CDKAL1: variants seen among roughly 807,000 people sequenced by gnomAD.
CDKAL1 encodes CDKAL1 threonylcarbamoyladenosine tRNA methylthiotransferase, also known as threonylcarbamoyladenosine tRNA methylthiotransferase.
In CDKAL1, 32 loss-of-function variants were observed where a neutral mutation model predicts 68.2. The observed-to-expected ratio is 0.47, with a 90% confidence interval of 0.35 to 0.63. The LOEUF is 0.63. CDKAL1 is among the 30% of genes least tolerant of loss of function. The pLI, the probability that CDKAL1 is intolerant of heterozygous loss-of-function variation, is 0.00. For synonymous variants in CDKAL1, 234 were observed against 244.3 expected, an observed-to-expected ratio of 0.96 and a Z score of 0.39; for missense variants, 606 against 696.7, an observed-to-expected ratio of 0.87 and a Z score of 1.47.
chr6:20,884,250 A>AAT (rs1760961004), intron 9 of CDKAL1, among the ~76,000 whole-genome samples: 2 of 152,214 alleles, frequency 1.3e-5, no homozygotes, highest in Admixed American at 1.3e-4. Context: ...GGTATTTGCC[A>AAT]AAATCCAACA....
intron 5 of CDKAL1, among the ~76,000 whole-genome samples, chr6:20,713,971 C>T (rs1211103122): frequency 6.6e-6 from 1 of 151,918 alleles, no homozygotes; most frequent in Non-Finnish European, 1.5e-5. Context: ...ACTATTTTAT[C>T]CTTAAAAAAA....
At chr6:20,884,764 A>G (rs1470658436) in intron 9 of CDKAL1, among the ~76,000 whole-genome samples, 1 of 152,232 alleles carries the variant, frequency 6.6e-6, no homozygotes, top group African/African-American at 2.4e-5. Flanking sequence ...TCCGTTTACA[A>G]TAGCATCTGA....
chr6:21,139,916 C>T (rs1384235853), intron 13 of CDKAL1, among the ~76,000 whole-genome samples: 1 of 151,890 alleles, frequency 6.6e-6, no homozygotes, highest in African/African-American at 2.4e-5. Context: ...CTTTTTTTCC[C>T]CTCAGGTAAA....
At chr6:21,004,642 AG>A (rs2150827317) in intron 11 of CDKAL1, among the ~76,000 whole-genome samples, 1 of 152,290 alleles carries the variant, frequency 6.6e-6, no homozygotes, top group East Asian at 1.9e-4. Context: ...TATAGAACAA[AG>A]CAAGCGGTGC....
intron 8 of CDKAL1, among the ~76,000 whole-genome samples, chr6:20,784,886 A>G (rs952379859): frequency 6.6e-6 from 1 of 152,104 alleles, no homozygotes; most frequent in Non-Finnish European, 1.5e-5. Flanking sequence ...AATATTTAAA[A>G]TTTTTTTAAT....
chr6:20,721,789 A>G lies in CDKAL1; in HGVS notation c.372-17730A>G, dbSNP rs1772385359. Reference sequence around the variant, plus strand: ...ACTCTGTCACCCAGGCTAGAGTGCAATGGCATGGTATCAGCTCACTGCAAC... The same window carrying G: ...ACTCTGTCACCCAGGCTAGAGTGCAGTGGCATGGTATCAGCTCACTGCAAC... On this transcript the variant is annotated intron_variant, in intron 5 of 15. Transcript: ENST00000274695. 2.2e-5 allele frequency among the ~76,000 whole-genome samples: 3 copies of G among 133,650 alleles called. No homozygotes were observed. The South Asian group carries it at 6.9e-4, about 31-fold the overall frequency. 87.7% of individuals were successfully genotyped at this position (133,650 alleles called of 152,430 possible).
intron 11 of CDKAL1, among the ~76,000 whole-genome samples, chr6:21,026,382 T>C (rs899445296): frequency 1.3e-5 from 2 of 152,156 alleles, no homozygotes; most frequent in Non-Finnish European, 1.5e-5. Context: ...AGAAATAAGT[T>C]TCTTGTTGCT....
chr6:20,940,610 A>G (rs1205729602), intron 9 of CDKAL1, among the ~76,000 whole-genome samples: 1 of 152,206 alleles, frequency 6.6e-6, no homozygotes, highest in Non-Finnish European at 1.5e-5. Flanking sequence ...GCTGGAGTGC[A>G]AAATGGCTCA....
chr6:20,609,519 C>T (rs1766518284), intron 4 of CDKAL1, among the ~76,000 whole-genome samples: 1 of 151,720 alleles, frequency 6.6e-6, no homozygotes, highest in Non-Finnish European at 1.5e-5. Context: ...CCTCAGCCTC[C>T]CGAGTAGCTA....
intron 9 of CDKAL1, among the ~76,000 whole-genome samples, chr6:20,916,775 T>A (rs148426734): frequency 3.3e-5 from 5 of 152,188 alleles, no homozygotes; most frequent in Middle Eastern, 3.2e-3. Flanking sequence ...TCTGATTGTA[T>A]TGCTTCTACC....
intron 2 of CDKAL1, among the ~76,000 whole-genome samples, chr6:20,542,973 T>C (rs754860969): frequency 9.9e-5 from 15 of 152,256 alleles, no homozygotes; most frequent in Non-Finnish European, 1.8e-4. Context: ...AGGAGAGTCA[T>C]CCAGGTTGAT....
intron 10 of CDKAL1, among the ~76,000 whole-genome samples, chr6:20,977,134 A>G (rs1765882200): frequency 6.6e-6 from 1 of 152,220 alleles, no homozygotes; most frequent in South Asian, 2.1e-4. Flanking sequence ...AAAGACCCTT[A>G]AAGAAATGAC....
chr6:20,605,674 A>C (rs997242387), intron 4 of CDKAL1, among the ~76,000 whole-genome samples: 1 of 152,208 alleles, frequency 6.6e-6, no homozygotes, highest in Non-Finnish European at 1.5e-5. Context: ...AGCCATGCTC[A>C]GTCAAGGGCT....
intron 4 of CDKAL1, among the ~76,000 whole-genome samples, chr6:20,628,865 T>C (rs1284321418): frequency 6.6e-6 from 1 of 152,176 alleles, no homozygotes; most frequent in Admixed American, 6.5e-5. Context: ...CCTTTTTTTT[T>C]TGTTTTTTGC....
At chr6:20,862,877 A>T (rs1376806915) in intron 9 of CDKAL1, among the ~76,000 whole-genome samples, 1 of 152,104 alleles carries the variant, frequency 6.6e-6, no homozygotes. Flanking sequence ...AAATACAAAA[A>T]TTAGCTAGGT....
In CDKAL1 at chr6:21,207,759, T is replaced by A. The variant is rs116195896; in HGVS notation, c.1548+6485T>A. Among the ~76,000 whole-genome samples, 197 of 152,344 alleles carry A rather than the reference T, an allele frequency of 1.3e-3. 1 individual carries two copies. Among genetic ancestry groups the A allele is most frequent in the African/African-American group, 4.4e-3 (183 of 41,572 alleles). On this transcript the variant is annotated intron_variant, in intron 15 of 15. Transcript: ENST00000274695. The stretch of plus-strand genomic sequence containing the variant: ...GGCTTAGCAGTCAATAAATATTGAC[T>A]ACTATTTTCATTATTAATTTGTGGT...
intron 9 of CDKAL1, among the ~76,000 whole-genome samples, chr6:20,861,539 T>C (rs1451706408): frequency 6.6e-6 from 1 of 152,236 alleles, no homozygotes; most frequent in East Asian, 1.9e-4. Flanking sequence ...AAAGCAACAA[T>C]TCCTGTTTCC....
chr6:20,580,604 A>T (rs559517060), intron 4 of CDKAL1, among the ~76,000 whole-genome samples: 1 of 152,062 alleles, frequency 6.6e-6, no homozygotes, highest in African/African-American at 2.4e-5. Context: ...TGGTCTTTCA[A>T]TATAAAGTTC....
chr6:20,954,703 TGCA>T (rs1235760775), intron 9 of CDKAL1, among the ~76,000 whole-genome samples: 1 of 152,186 alleles, frequency 6.6e-6, no homozygotes. Context: ...GCATTATCAT[TGCA>T]GGGTATGATA....
Sources: gnomAD v4.1 joint callset for allele counts (sites outside exome capture counted in the v4.1 genomes callset) on GRCh38, gnomAD v4.1.1 for gene constraint, MANE v1.5 for transcripts, NCBI Gene and HGNC (gene_info 2026-07-23, HGNC 2026-07-21) for gene names.